ARHGEF38: variants seen among roughly 807,000 people sequenced by gnomAD.
ARHGEF38 encodes Rho guanine nucleotide exchange factor 38.
ARHGEF38 carries 79 observed loss-of-function variants against 79.9 expected under a neutral mutation model. That is an observed-to-expected ratio of 0.99 (90% CI 0.82 to 1.19). The LOEUF is 1.19. Among genes scored for constraint, ARHGEF38 ranks in the 50% most tolerant of loss-of-function variants. The probability of loss-of-function intolerance (pLI) is 0.00; values close to 1 mark genes in which losing one functional copy is unlikely to be tolerated. For synonymous variants in ARHGEF38, 366 were observed against 328.3 expected, an observed-to-expected ratio of 1.11 and a Z score of -1.24; for missense variants, 962 against 907.2, an observed-to-expected ratio of 1.06 and a Z score of -0.78.
At chr4:105,629,032 G>T (rs1470146235) in intron 3 of ARHGEF38, among the ~76,000 whole-genome samples, 1 of 151,886 alleles carries the variant, frequency 6.6e-6, no homozygotes, top group Non-Finnish European at 1.5e-5. Flanking sequence ...TAAAATGAAG[G>T]CACTAAGACT....
chr4:105,644,911 A>G (rs892888891), intron 5 of ARHGEF38, among the ~76,000 whole-genome samples: 3 of 152,164 alleles, frequency 2.0e-5, no homozygotes, highest in Non-Finnish European at 4.4e-5. Flanking sequence ...ATTATAAAAA[A>G]CCTTGTAAAC....
chr4:105,589,332 A>C lies in ARHGEF38; in HGVS notation c.281A>C (p.Lys94Thr). 6.2e-7 allele frequency: 1 copy of C among 1,614,168 alleles called. No homozygotes were observed. Among genetic ancestry groups the C allele is most frequent in the Non-Finnish European group, 8.5e-7 (1 of 1,180,004 alleles). The part of the protein sequence containing the change: ...EEHHMKRMMA[K>T]REKIIKELIQ... The stretch of plus-strand genomic sequence containing the variant: ...CATCATATGAAGAGGATGATGGCAA[A>C]GCGGGAAAAGATCATTAAGGAGCTG... Residue 94 changes from lysine to threonine, a missense_variant, in exon 2 of 14, where the codon AAG becomes ACG. Lys to Thr is a moderately conservative substitution (Grantham distance 78). Transcript: ENST00000420470.
intron 1 of ARHGEF38, among the ~76,000 whole-genome samples, chr4:105,560,471 A>G (rs1310325494): frequency 2.6e-5 from 4 of 152,210 alleles, no homozygotes; most frequent in Non-Finnish European, 4.4e-5. Context: ...TTGCAAATGA[A>G]AAGAATGGAA....
intron 3 of ARHGEF38, among the ~76,000 whole-genome samples, chr4:105,629,386 T>C (rs1729087690): frequency 6.6e-6 from 1 of 152,204 alleles, no homozygotes; most frequent in Non-Finnish European, 1.5e-5. Context: ...CCTGAATTAA[T>C]ATGGATAAAT....
At position 105,654,136 on chromosome 4, in the gene ARHGEF38, G is replaced by A; in HGVS notation, c.1080G>A (p.Val360=). The A allele has an allele frequency of 6.6e-7, 1 of 1,518,846 alleles. No individual in the cohort carries two copies. Among genetic ancestry groups the A allele is most frequent in the Non-Finnish European group, 8.8e-7 (1 of 1,135,126 alleles). 94.1% of individuals were successfully genotyped at this position (1,518,846 alleles called of 1,614,324 possible). ...TAGAAAAGACTGTGAGGCTTTGTGT[G>A]AAGAACATTTCACTCTGTCTTCAAC... The part of the protein sequence containing the change: ...RALEKTVRLC[V]KNISLCLQHI... The change falls in exon 8 of 14, where the codon GTG becomes GTA. Residue 360 remains valine, a synonymous_variant. Transcript: ENST00000420470.
Position 105,679,306 on chromosome 4 carries a change from C to T in ARHGEF38, c.*1369C>T, listed in dbSNP as rs1339775564. The T allele has an allele frequency of 1.3e-6, 1 of 791,766 alleles. No homozygotes were observed. The highest frequency in any genetic ancestry group is 2.5e-5 in the East Asian group (1 of 40,792). 49.0% of individuals were successfully genotyped at this position (791,766 alleles called of 1,614,324 possible). On this transcript the variant is annotated 3_prime_UTR_variant, in exon 14 of 14. Transcript: ENST00000420470. Reference sequence around the variant, plus strand: ...TCCAGCCGGAATCATGCCACTTTGCCTGTAACCTTTGACTCAATTGGAGGA... The same window carrying T: ...TCCAGCCGGAATCATGCCACTTTGCTTGTAACCTTTGACTCAATTGGAGGA...
At chr4:105,606,550 A>G (rs566424329) in intron 2 of ARHGEF38, among the ~76,000 whole-genome samples, 1 of 152,268 alleles carries the variant, frequency 6.6e-6, no homozygotes, top group Non-Finnish European at 1.5e-5. Context: ...CCTTTAAAAA[A>G]TTAATAACTT....
At chr4:105,575,446 A>G (rs1003297029) in intron 1 of ARHGEF38, among the ~76,000 whole-genome samples, 4 of 152,090 alleles carry the variant, frequency 2.6e-5, no homozygotes, top group Non-Finnish European at 1.5e-5. Flanking sequence ...GGTCATTTGT[A>G]TATCTTCTTT....
chr4:105,629,189 G>C (rs1014713633), intron 3 of ARHGEF38, among the ~76,000 whole-genome samples: 1 of 152,144 alleles, frequency 6.6e-6, no homozygotes, highest in Non-Finnish European at 1.5e-5. Flanking sequence ...CTGATTTCAA[G>C]TTTAGTGTTC....
At chr4:105,631,615 T>C (rs1018994929) in intron 4 of ARHGEF38, 1 of 985,236 alleles carries the variant, frequency 1.0e-6, no homozygotes, top group African/African-American at 1.7e-5. Flanking sequence ...AGGAAGTATC[T>C]ATTCACTGTG....
chr4:105,619,923 C>T (rs1728671617), intron 3 of ARHGEF38, among the ~76,000 whole-genome samples: 1 of 152,152 alleles, frequency 6.6e-6, no homozygotes, highest in Non-Finnish European at 1.5e-5. Context: ...TGTCCCATTT[C>T]TTTGTCCTTA....
At chr4:105,583,195 C>T (rs1726878590) in intron 1 of ARHGEF38, among the ~76,000 whole-genome samples, 1 of 152,184 alleles carries the variant, frequency 6.6e-6, no homozygotes, top group African/African-American at 2.4e-5. Context: ...TGAAATTTTA[C>T]ATGCTATTTT....
At chr4:105,648,074 G>C (rs955248188) in intron 6 of ARHGEF38, among the ~76,000 whole-genome samples, 2 of 151,842 alleles carry the variant, frequency 1.3e-5, no homozygotes, top group African/African-American at 4.8e-5. Flanking sequence ...ATTTTTAGTA[G>C]AGACGAGGTT....
chr4:105,565,532 A>G (rs1175659917), intron 1 of ARHGEF38, among the ~76,000 whole-genome samples: 1 of 152,132 alleles, frequency 6.6e-6, no homozygotes, highest in African/African-American at 2.4e-5. Context: ...GGGTTTCGTA[A>G]TGATCTGTCT....
rs776862032 is a variant in ARHGEF38, at chr4:105,552,815, A to G, written c.50A>G (p.Lys17Arg). ...AAAGAAAACATGGTCACCAAGAAAA[A>G]GAATCTGGCCTTCTTGAGGTCTAGA... ...TGKENMVTKK[K>R]NLAFLRSRLY... Residue 17 changes from lysine (K) to arginine (R), a missense_variant, in exon 1 of 14, where the codon AAG becomes AGG. Coordinates refer to ENST00000420470, the MANE Select transcript of ARHGEF38 (RefSeq NM_001242729.2). 7 of 1,612,778 alleles carry G rather than the reference A, an allele frequency of 4.3e-6. No homozygotes were observed. Among genetic ancestry groups the G allele is most frequent in the Non-Finnish European group, 5.1e-6 (6 of 1,179,588 alleles).
intron 13 of ARHGEF38, among the ~76,000 whole-genome samples, chr4:105,672,598 G>A (rs537877242): frequency 6.6e-6 from 1 of 152,298 alleles, no homozygotes; most frequent in Non-Finnish European, 1.5e-5. Flanking sequence ...AGTGTTCCAT[G>A]CTGCATAACA....
intron 3 of ARHGEF38, among the ~76,000 whole-genome samples, chr4:105,627,125 T>C (rs1426536466): frequency 6.6e-6 from 1 of 152,088 alleles, no homozygotes; most frequent in African/African-American, 2.4e-5. Context: ...GAAGGAAGAG[T>C]TGGTTCTTTG....
At chr4:105,635,924 T>G (rs535365802) in intron 4 of ARHGEF38, among the ~76,000 whole-genome samples, 1 of 152,182 alleles carries the variant, frequency 6.6e-6, no homozygotes, top group Admixed American at 6.5e-5. Flanking sequence ...GAGGAAACAA[T>G]TGCTTCACAC....
chr4:105,581,619 A>T (rs1726793465), intron 1 of ARHGEF38, among the ~76,000 whole-genome samples: 1 of 152,210 alleles, frequency 6.6e-6, no homozygotes. Context: ...ATTAAATTTT[A>T]ATTATTATGA....
Sources: gnomAD v4.1 joint callset for allele counts (sites outside exome capture counted in the v4.1 genomes callset) on GRCh38, gnomAD v4.1.1 for gene constraint, MANE v1.5 for transcripts, NCBI Gene and HGNC (gene_info 2026-07-23, HGNC 2026-07-21) for gene names.